Variants in CAND2 observed in about 807,000 individuals in gnomAD.
CAND2 encodes cullin associated and neddylation dissociated 2 (putative), also known as cullin-associated NEDD8-dissociated protein 2.
CAND2 carries 62 observed loss-of-function variants against 98.9 expected under a neutral mutation model. The ratio of observed to expected loss-of-function variants is 0.63; its 90% CI spans 0.51 to 0.77. The LOEUF (loss-of-function observed/expected upper bound fraction) is 0.77. Among genes scored for constraint, CAND2 ranks in the 30% least tolerant of loss-of-function variants. The probability of loss-of-function intolerance (pLI) is 0.00; values close to 1 mark genes in which losing one functional copy is unlikely to be tolerated. For synonymous variants in CAND2, 770 were observed against 731.9 expected (o/e 1.05, Z -0.84); for missense variants, 1,501 against 1,655.2 (o/e 0.91, Z 1.62).
intron 12 of CAND2, among the ~76,000 whole-genome samples, chr3:12,826,424 G>T (rs566402523): frequency 4.3e-5 from 4 of 93,838 alleles, no homozygotes; most frequent in Non-Finnish European, 8.8e-5. Flanking sequence ...AGACCTGGGT[G>T]TCTTTTTTGT....
At chr3:12,801,683 G>T in intron 1 of CAND2, among the ~76,000 whole-genome samples, 1 of 152,336 alleles carries the variant, frequency 6.6e-6, no homozygotes, top group South Asian at 2.1e-4. Context: ...GAGCCAGTCA[G>T]CTATTGGCGC....
chr3:12,808,797 G>C (rs146222829), intron 4 of CAND2, among the ~76,000 whole-genome samples: 1 of 152,268 alleles, frequency 6.6e-6, no homozygotes, highest in Non-Finnish European at 1.5e-5. Flanking sequence ...AGCTGAGTTT[G>C]GGCAGGTATA....
chr3:12,812,621 G>T (rs953954256), intron 5 of CAND2, among the ~76,000 whole-genome samples: 1 of 151,852 alleles, frequency 6.6e-6, no homozygotes, highest in South Asian at 2.1e-4. Context: ...AGCCAGGATA[G>T]TCTCGATCTC....
In CAND2 at chr3:12,816,778, C is replaced by T. The variant is rs1559553653; in HGVS notation, c.1846C>T (p.Leu616Phe). The T allele has an allele frequency of 1.9e-6, 3 of 1,613,602 alleles. No individual in the cohort carries two copies. The highest frequency in any genetic ancestry group is 2.5e-6 in the Non-Finnish European group (3 of 1,180,050). ...LGDDLEPTLL[L>F]LLDRLRNEIT... Reference sequence around the variant, plus strand: ...GGATGACCTGGAGCCCACGTTACTGCTCCTCCTGGACCGCCTGCGGAATGA... The same window carrying T: ...GGATGACCTGGAGCCCACGTTACTGTTCCTCCTGGACCGCCTGCGGAATGA... The change falls in exon 10 of 15, where the codon CTC becomes TTC. Residue 616 changes from leucine (L) to phenylalanine (F), a missense_variant. Around this residue, in one of 3 missense-constraint regions of CAND2, gnomAD observed 1,427 missense variants for 1,545.3 expected, o/e 0.92. Coordinates refer to ENST00000456430, the MANE Select transcript of CAND2 (RefSeq NM_001162499.2).
Position 12,826,829 on chromosome 3 carries a change from AC to A in CAND2, c.3211-610del, listed in dbSNP as rs1204135466. On this transcript the variant is annotated intron_variant, in intron 12 of 14. Coordinates refer to ENST00000456430, the MANE Select transcript of CAND2 (RefSeq NM_001162499.2). ...TCATTAAATGGGATCAGTAACATTT[AC>A]TTTTTTTTTTTTTTTTTTGAGATGG... 1.7e-3 allele frequency among the ~76,000 whole-genome samples: 238 copies of A among 138,278 alleles called. 3 individuals carry two copies. Among genetic ancestry groups the A allele is most frequent in the African/African-American group, 6.6e-3 (232 of 35,064 alleles). 90.7% of individuals were successfully genotyped at this position (138,278 alleles called of 152,430 possible).
chr3:12,803,475 C>T lies in CAND2; in HGVS notation c.69-13C>T. 1 of 1,590,994 alleles carries T rather than the reference C, an allele frequency of 6.3e-7. No individual in the cohort carries two copies. Among genetic ancestry groups the T allele is most frequent in the Non-Finnish European group, 8.6e-7 (1 of 1,168,144 alleles). ...GGAGCTGCTCAGCAATCTCCTCCAC[C>T]CTCCCTGTGCAGGTTCATGGCCACC... On this transcript the variant is annotated splice_polypyrimidine_tract_variant and intron_variant, in intron 1 of 14. Coordinates refer to ENST00000456430, the MANE Select transcript of CAND2 (RefSeq NM_001162499.2).
At chr3:12,816,148 G>T in intron 9 of CAND2, 140 bp downstream of exon 9, 1 of 902,406 alleles carries the variant, frequency 1.1e-6, no homozygotes, top group East Asian at 2.6e-5. Flanking sequence ...GTCTCCAGTG[G>T]CCTCCCACTA....
intron 13 of CAND2, among the ~76,000 whole-genome samples, chr3:12,828,689 T>C (rs1256017586): frequency 6.6e-6 from 1 of 152,208 alleles, no homozygotes; most frequent in Non-Finnish European, 1.5e-5. Context: ...GTAAGCACAT[T>C]CACATTGCGG....
chr3:12,818,121 A>G (rs1215266806), intron 10 of CAND2, among the ~76,000 whole-genome samples: 4 of 152,170 alleles, frequency 2.6e-5, no homozygotes, highest in Non-Finnish European at 5.9e-5. Flanking sequence ...CAACAAATAC[A>G]TTTAAAAATC....
At chr3:12,804,713 C>G (rs571085430) in intron 2 of CAND2, among the ~76,000 whole-genome samples, 1 of 152,264 alleles carries the variant, frequency 6.6e-6, no homozygotes, top group East Asian at 1.9e-4. Flanking sequence ...TTAGCATCAC[C>G]TGGGTAATTT....
Position 12,815,073 on chromosome 3 carries a change from C to T in CAND2, c.1007-68C>T, listed in dbSNP as rs1357227165. ...GCCCAGCTCTCTCTCCTCCCTGTCC[C>T]TTCTCCCCCGAGCCACAGACCTGTC... On this transcript the variant is annotated intron_variant, in intron 7 of 14. Transcript: ENST00000456430. The surrounding 1 kb of genome is among the most constrained non-coding windows in gnomAD (Gnocchi z 5.7). The T allele has an allele frequency of 3.3e-6, 5 of 1,513,838 alleles. No homozygotes were observed. Among genetic ancestry groups the T allele is most frequent in the Middle Eastern group, 1.8e-4 (1 of 5,700 alleles). The allele number at this position is 1,513,838 out of a possible 1,614,324, so 93.8% of individuals were successfully genotyped here. A position where few individuals can be genotyped will look rare whatever the true frequency, so the allele number is the denominator to read the frequency against.
intron 11 of CAND2, among the ~76,000 whole-genome samples, chr3:12,824,287 C>T (rs2061982011): frequency 6.6e-6 from 1 of 152,146 alleles, no homozygotes; most frequent in South Asian, 2.1e-4. Context: ...TTTTCTGCTA[C>T]TATAACAGAA....
In CAND2 at chr3:12,834,071, C is replaced by T. The variant is rs542172764; in HGVS notation, c.*89C>T. On this transcript the variant is annotated 3_prime_UTR_variant, in exon 15 of 15. Transcript: ENST00000456430. ...CCCATCCCACCATCGCAGGTCTCTA[C>T]TTTTGCCCTTCCACCATCTCACTGG... 1.7e-5 allele frequency: 19 copies of T among 1,090,046 alleles called. No homozygotes were observed. The highest frequency in any genetic ancestry group is 2.6e-5 in the Non-Finnish European group (19 of 731,656). The allele number at this position is 1,090,046 out of a possible 1,614,324, so 67.5% of individuals were successfully genotyped here.
Position 12,833,955 on chromosome 3 carries a change from C to T in CAND2, c.3684C>T (p.Pro1228=). Residue 1228 remains proline, a synonymous_variant, in exon 15 of 15, where the codon CCC becomes CCT. Transcript: ENST00000456430. ...TCCAGAAGGATTCCGCTTCAGCCCC[C>T]AGCACAGACTCAATGGAGCTCAGCT... is the stretch of plus-strand genomic sequence containing the variant. ...ESIQKDSASA[P]STDSMELS is the part of the protein sequence containing the mutation. 1.2e-6 allele frequency: 2 copies of T among 1,614,140 alleles called. No individual in the cohort carries two copies. Among genetic ancestry groups the T allele is most frequent in the African/African-American group, 1.3e-5 (1 of 75,056 alleles).
chr3:12,807,011 C>A, intron 2 of CAND2: 1 of 291,776 alleles, frequency 3.4e-6, no homozygotes, highest in East Asian at 7.0e-5. Flanking sequence ...TCTGTTTAAA[C>A]AAGCCCGCCA....
At position 12,813,271 on chromosome 3, in the gene CAND2, G is replaced by A. The variant is rs761379784; in HGVS notation, c.889G>A (p.Val297Met). 11 of 1,613,570 alleles carry A rather than the reference G, an allele frequency of 6.8e-6. No homozygotes were observed. The highest frequency in any genetic ancestry group is 2.2e-5 in the East Asian group (1 of 44,886). ...GTGCCCCAAGGAAATGGGTCCTCAC[G>A]TGCCCAACGTGACCAGCCTCTGCCT... is the stretch of plus-strand genomic sequence containing the variant. The part of the protein sequence containing the change: ...RKCPKEMGPH[V>M]PNVTSLCLQY... The change falls in exon 7 of 15, where the codon GTG (valine) becomes ATG (methionine). Residue 297 changes from valine (V) to methionine (M), a missense_variant. By Grantham distance (21) the Val-to-Met change is conservative. Transcript: ENST00000456430.
chr3:12,817,824 C>T lies in CAND2; in HGVS notation c.2892C>T (p.Val964=), dbSNP rs202062500. 848 of 1,519,188 alleles carry T rather than the reference C, an allele frequency of 5.6e-4. 9 individuals carry two copies. Among genetic ancestry groups the T allele is most frequent in the Admixed American group, 8.5e-4 (38 of 44,562 alleles). 94.1% of individuals were successfully genotyped at this position (1,519,188 alleles called of 1,614,324 possible). ...TGGCCGAGTGCATTGGGAAGCTGGT[C>T]CTTGTGAACCCTTCGTTCCTTCTGC... ...GVVAECIGKL[V]LVNPSFLLPR... Residue 964 remains valine (V), a synonymous_variant, in exon 10 of 15, where the codon GTC becomes GTT. Coordinates refer to ENST00000456430, the MANE Select transcript of CAND2 (RefSeq NM_001162499.2).
intron 4 of CAND2, 188 bp from the exon 5 acceptor site, chr3:12,809,858 CCTTTCTCTCTCCG>C: frequency 1.7e-6 from 1 of 592,886 alleles, no homozygotes; most frequent in Non-Finnish European, 2.7e-6. Flanking sequence ...CTGAGAAGTC[CCTTTCTCTCTCCG>C]CTTTCTCTCA....
rs928317401 is a variant in CAND2 at position 12,808,214 on chromosome 3, C to T, written c.372C>T (p.Ser124=). 2.1e-5 allele frequency: 32 copies of T among 1,550,878 alleles called. No individual in the cohort carries two copies. The highest frequency in any genetic ancestry group is 1.7e-4 in the Middle Eastern group (1 of 5,992). ...CCCACCTTGTGCCCTGTGCAGGCTC[C>T]GGGCTGGCCACCAACGTGTGCCGGA... ...LSELPPAATG[S]GLATNVCRKI... The change falls in exon 4 of 15, where the codon TCC becomes TCT. Residue 124 remains serine, a synonymous_variant. Transcript: ENST00000456430.
Sources: allele counts gnomAD v4.1 joint callset (sites outside exome capture counted in the v4.1 genomes callset), GRCh38; gene constraint gnomAD v4.1.1; regional missense constraint gnomAD v4.1.1; non-coding constraint Gnocchi (gnomAD v3.1); transcripts MANE v1.5; gene names NCBI Gene and HGNC (gene_info 2026-07-23, HGNC 2026-07-21).